SMARCAL1: variants seen among roughly 807,000 people sequenced by gnomAD.
The protein encoded by SMARCAL1 is SNF2 related chromatin remodeling annealing helicase 1, also known as ATP-driven annealing helicase.
In SMARCAL1, 58 loss-of-function variants were observed where a neutral mutation model predicts 94.5. The observed-to-expected ratio is 0.61, with a 90% CI of 0.50 to 0.76. SMARCAL1 has a LOEUF of 0.76. Ranked by LOEUF, SMARCAL1 falls within the 30% of genes least tolerant of loss-of-function variation. The pLI is 0.00. For synonymous variants in SMARCAL1, 422 were observed against 455.1 expected (o/e 0.93, Z 0.93); for missense variants, 1,051 against 1,177.9 (o/e 0.89, Z 1.58).
chr2:216,420,514 A>T lies in SMARCAL1; in HGVS notation c.1078A>T (p.Met360Leu). Residue 360 changes from methionine to leucine, a missense_variant, in exon 5 of 18, where the codon ATG (methionine) becomes TTG (leucine). Transcript: ENST00000357276. Reference sequence around the variant, plus strand: ...GGACCTTATTGCGCTTTTTAAACAGATGGATTCCAGAAGATATGGCAAGTA... The same window carrying T: ...GGACCTTATTGCGCTTTTTAAACAGTTGGATTCCAGAAGATATGGCAAGTA... Reference protein sequence around the residue: ...SQDLIALFKQMDSRRYDVKTR... With the variant: ...SQDLIALFKQLDSRRYDVKTR... 2.5e-6 allele frequency: 4 copies of T among 1,613,696 alleles called. No homozygotes were observed. Among genetic ancestry groups the T allele is most frequent in the Non-Finnish European group, 3.4e-6 (4 of 1,179,584 alleles).
chr2:216,422,403 A>C (rs1693744131), intron 5 of SMARCAL1, among the ~76,000 whole-genome samples: 1 of 152,156 alleles, frequency 6.6e-6, no homozygotes, highest in Non-Finnish European at 1.5e-5. Flanking sequence ...ATATGTGTCT[A>C]TCACCAGCCT....
intron 10 of SMARCAL1, among the ~76,000 whole-genome samples, chr2:216,443,403 C>A (rs939317441): frequency 6.7e-6 from 1 of 148,470 alleles, no homozygotes; most frequent in Admixed American, 6.7e-5. Flanking sequence ...AATGGCATAG[C>A]TTTAATCAGC....
intron 5 of SMARCAL1, among the ~76,000 whole-genome samples, chr2:216,421,784 CAAATACTT>C (rs914534342): frequency 4.6e-5 from 7 of 152,120 alleles, no homozygotes; most frequent in African/African-American, 1.7e-4. Context: ...AAGTAGAACT[CAAATACTT>C]AAAACCTCAT....
At chr2:216,421,630 C>A (rs1456956796) in intron 5 of SMARCAL1, among the ~76,000 whole-genome samples, 3 of 152,150 alleles carry the variant, frequency 2.0e-5, no homozygotes. Flanking sequence ...TAAGCTCCCC[C>A]TTCAGAATAG....
chr2:216,482,693 G>A lies in SMARCAL1; in HGVS notation c.2626-45G>A. The A allele has an allele frequency of 6.2e-7, 1 of 1,614,020 alleles. No homozygotes were observed. The highest frequency in any genetic ancestry group is 8.5e-7 in the Non-Finnish European group (1 of 1,179,970). The stretch of plus-strand genomic sequence containing the variant: ...CTAGTGGAGGAGAGTCAGTGTTGGA[G>A]CCTGGGCTCTTCCTTTTATCTTTTG... On this transcript the variant is annotated intron_variant, in intron 17 of 17. Transcript: ENST00000357276. This position sits in a 1 kb window ranked among gnomAD's most constrained non-coding sequence, Gnocchi z 4.3.
At position 216,447,709 on chromosome 2, in the gene SMARCAL1, G is replaced by T. The variant is rs1694350562; in HGVS notation, c.1851+551G>T. On this transcript the variant is annotated intron_variant, in intron 11 of 17. Coordinates refer to ENST00000357276, the MANE Select transcript of SMARCAL1 (RefSeq NM_014140.4). ...AAAAAAGATAAAGGTAGATTGAGGA[G>T]CCTGATCCCAAACTGCCTTGGGTGG... is the stretch of plus-strand genomic sequence containing the variant. Among the ~76,000 whole-genome samples the T allele has an allele frequency of 2.0e-5, 3 of 152,192 alleles. No individual in the cohort carries two copies. The South Asian group carries it at 6.2e-4, about 32-fold the overall frequency.
intron 7 of SMARCAL1, among the ~76,000 whole-genome samples, chr2:216,429,024 A>G (rs1033581592): frequency 3.3e-5 from 5 of 152,240 alleles, no homozygotes; most frequent in Non-Finnish European, 5.9e-5. Flanking sequence ...CCCAATTCAA[A>G]TTAGCTTAAG....
At chr2:216,414,501 G>A in intron 2 of SMARCAL1, 146 bp from the exon 3 acceptor site, 1 of 594,004 alleles carries the variant, frequency 1.7e-6, no homozygotes, top group South Asian at 2.0e-5. Flanking sequence ...ATTTCAGTGT[G>A]TGTGCAATTA....
At chr2:216,444,107 AAC>A (rs1187530382) in intron 10 of SMARCAL1, among the ~76,000 whole-genome samples, 2 of 152,160 alleles carry the variant, frequency 1.3e-5, no homozygotes, top group Non-Finnish European at 2.9e-5. Flanking sequence ...AACTAATTAA[AAC>A]ACAGCTTCAA....
At chr2:216,481,041 A>G (rs1230319798) in intron 17 of SMARCAL1, among the ~76,000 whole-genome samples, 1 of 152,140 alleles carries the variant, frequency 6.6e-6, no homozygotes, top group Non-Finnish European at 1.5e-5. Flanking sequence ...GGGGGGAACA[A>G]ACTTGCATAA....
At chr2:216,456,581 A>G (rs1559133359) in intron 12 of SMARCAL1, among the ~76,000 whole-genome samples, 1 of 151,918 alleles carries the variant, frequency 6.6e-6, no homozygotes, top group Non-Finnish European at 1.5e-5. Flanking sequence ...AGAATTTCAT[A>G]TCCAGCCAAA....
intron 10 of SMARCAL1, among the ~76,000 whole-genome samples, chr2:216,445,880 CTTTA>C (rs777789580): frequency 6.6e-5 from 10 of 152,148 alleles, no homozygotes; most frequent in Non-Finnish European, 1.3e-4. Context: ...ACTGTTGCAC[CTTTA>C]TTTATTTATT....
At chr2:216,444,543 C>T (rs1206749860) in intron 10 of SMARCAL1, among the ~76,000 whole-genome samples, 1 of 152,050 alleles carries the variant, frequency 6.6e-6, no homozygotes, top group Non-Finnish European at 1.5e-5. Flanking sequence ...GACAGAGTTT[C>T]ACTCTTGTCA....
At chr2:216,466,009 C>A (rs1574478112) in intron 13 of SMARCAL1, among the ~76,000 whole-genome samples, 1 of 152,238 alleles carries the variant, frequency 6.6e-6, no homozygotes, top group East Asian at 1.9e-4. Context: ...TAATGAACTC[C>A]AGATGTGGTT....
chr2:216,447,174 T>TACCA lies in SMARCAL1; in HGVS notation c.1851+16_1851+17insACCA. The TACCA allele has an allele frequency of 1.3e-6, 2 of 1,579,286 alleles. No homozygotes were observed. Among genetic ancestry groups the TACCA allele is most frequent in the Non-Finnish European group, 1.7e-6 (2 of 1,150,174 alleles). On this transcript the variant is annotated intron_variant, in intron 11 of 17. Coordinates refer to ENST00000357276, the MANE Select transcript of SMARCAL1 (RefSeq NM_014140.4). ...TGCCAAACGGGTATGTATTATCTCT[T>TACCA]CCCTCCCAGCCCACCCATTTCTCAC...
At chr2:216,460,594 C>CCAAA (rs34380167) in intron 12 of SMARCAL1, among the ~76,000 whole-genome samples, 35,854 of 149,586 alleles carry the variant, frequency 0.24, 5,229 homozygotes, top group Non-Finnish European at 0.31. Context: ...GGACAAAAAA[C>CCAAA]CAAACACTGC....
In SMARCAL1 at chr2:216,415,328, T is replaced by C. The variant is rs376048935; in HGVS notation, c.624T>C (p.His208=). The C allele has an allele frequency of 1.9e-6, 3 of 1,614,106 alleles. No homozygotes were observed. Among genetic ancestry groups the C allele is most frequent in the Non-Finnish European group, 2.5e-6 (3 of 1,180,046 alleles). ...SPSGQNISYI[H]SSSESVTPRT... The stretch of plus-strand genomic sequence containing the variant: ...CGGGGCAGAACATTTCTTACATCCA[T>C]TCTAGCTCAGAGAGTGTAACGCCCA... The change falls in exon 3 of 18, where the codon CAT becomes CAC. Residue 208 remains histidine (H), a synonymous_variant. Transcript: ENST00000357276.
intron 15 of SMARCAL1, among the ~76,000 whole-genome samples, chr2:216,476,480 T>G (rs1168487848): frequency 6.6e-6 from 1 of 152,050 alleles, no homozygotes; most frequent in Non-Finnish European, 1.5e-5. Context: ...CCATGCCTAA[T>G]TTTTGTATTT....
rs958956913 is a variant in SMARCAL1 at position 216,453,885 on chromosome 2, A to C, written c.2070+2821A>C. ...TAAAAAGCTTTATATCACAGGAGCC[A>C]AGGTGAAGGAGCCAATTTATAGAAT... On this transcript the variant is annotated intron_variant, in intron 12 of 17. Transcript: ENST00000357276. Among the ~76,000 whole-genome samples the C allele has an allele frequency of 6.0e-4, 92 of 152,374 alleles. 1 individual carries two copies. Among genetic ancestry groups the C allele is most frequent in the Admixed American group, 5.8e-3 (89 of 15,308 alleles).
Sources: gnomAD v4.1 joint callset for allele counts (sites outside exome capture counted in the v4.1 genomes callset) on GRCh38, gnomAD v4.1.1 for gene constraint, Gnocchi (gnomAD v3.1) non-coding constraint, MANE v1.5 for transcripts, NCBI Gene and HGNC (gene_info 2026-07-23, HGNC 2026-07-21) for gene names.